The following CHMP3 variants were observed in gnomAD, a reference collection of about 807,000 sequenced individuals.
CHMP3 encodes charged multivesicular body protein 3.
CHMP3 carries 8 observed loss-of-function variants against 27.4 expected under a neutral mutation model. The observed-to-expected ratio is 0.29, with a 90% CI of 0.17 to 0.53. The LOEUF (loss-of-function observed/expected upper bound fraction) is 0.53, where lower values mean the gene tolerates loss of function less well. CHMP3 is among the 20% of genes least tolerant of loss of function. The pLI is 0.96. For missense variants in CHMP3, 208 were observed against 271.5 expected (o/e 0.77, Z 1.64); for synonymous variants, 86 against 85.5 (o/e 1.01, Z -0.03).
At chr2:86,560,494 G>C (rs1394919352) in intron 1 of CHMP3, among the ~76,000 whole-genome samples, 4 of 151,916 alleles carry the variant, frequency 2.6e-5, no homozygotes, top group Non-Finnish European at 5.9e-5. Context: ...TCACTCATAA[G>C]TGGGAATTGA....
chr2:86,513,053 A>G (rs998245505), intron 3 of CHMP3, among the ~76,000 whole-genome samples: 5 of 152,272 alleles, frequency 3.3e-5, no homozygotes, highest in African/African-American at 1.2e-4. Context: ...AAACCTGCAC[A>G]CAGATGTCTT....
chr2:86,523,188 C>G (rs143481923), intron 3 of CHMP3, among the ~76,000 whole-genome samples: 3 of 152,160 alleles, frequency 2.0e-5, no homozygotes, highest in African/African-American at 4.8e-5. Flanking sequence ...CCAGACCTTC[C>G]TTCCGTGTTG....
At chr2:86,560,893 A>G (rs890055656) in intron 1 of CHMP3, among the ~76,000 whole-genome samples, 5 of 152,084 alleles carry the variant, frequency 3.3e-5, no homozygotes, top group Non-Finnish European at 5.9e-5. Context: ...ACTTTTAAAC[A>G]ACCAGATCTC....
At chr2:86,557,423 A>C (rs888116905) in intron 1 of CHMP3, among the ~76,000 whole-genome samples, 3 of 152,038 alleles carry the variant, frequency 2.0e-5, no homozygotes, top group African/African-American at 7.3e-5. Context: ...CTCCCTACCT[A>C]AATCTCTTCC....
intron 1 of CHMP3, among the ~76,000 whole-genome samples, chr2:86,547,336 A>C (rs1444502453): frequency 6.6e-6 from 1 of 152,254 alleles, no homozygotes. Context: ...ATCTTCAGAA[A>C]CTTTCTATGT....
intron 3 of CHMP3, among the ~76,000 whole-genome samples, chr2:86,518,997 A>T (rs1675423220): frequency 1.3e-5 from 2 of 152,326 alleles, no homozygotes; most frequent in South Asian, 4.1e-4. Context: ...ATATTAAAGT[A>T]TATAATCTTT....
chr2:86,525,787 T>C (rs980732848), intron 3 of CHMP3, among the ~76,000 whole-genome samples: 3 of 152,164 alleles, frequency 2.0e-5, no homozygotes, highest in South Asian at 2.1e-4. Context: ...AAAATTCTCA[T>C]AGTAGAAAGA....
At chr2:86,516,336 A>C (rs951996822) in intron 3 of CHMP3, among the ~76,000 whole-genome samples, 6 of 152,190 alleles carry the variant, frequency 3.9e-5, no homozygotes, top group Admixed American at 2.6e-4. Flanking sequence ...CATTTCATCA[A>C]AGAGAATTTT....
chr2:86,537,144 C>T (rs1175788975), intron 2 of CHMP3, among the ~76,000 whole-genome samples: 3 of 152,314 alleles, frequency 2.0e-5, no homozygotes, highest in East Asian at 1.9e-4. Flanking sequence ...GGATTACAGG[C>T]GTTAGCCATT....
chr2:86,531,170 ATTTTTC>A (rs1006123695), intron 2 of CHMP3, among the ~76,000 whole-genome samples: 90 of 151,248 alleles, frequency 6.0e-4, no homozygotes, highest in African/African-American at 2.1e-3. Flanking sequence ...TTAATGTACA[ATTTTTC>A]TTTTTCTTTT....
At chr2:86,535,652 G>A (rs569495652) in intron 2 of CHMP3, among the ~76,000 whole-genome samples, 263 of 152,142 alleles carry the variant, frequency 1.7e-3, no homozygotes, top group African/African-American at 6.0e-3. Context: ...TATTACAGGC[G>A]CGCACCACAC....
chr2:86,545,862 G>C (rs548503541), intron 1 of CHMP3, among the ~76,000 whole-genome samples: 2 of 150,662 alleles, frequency 1.3e-5, no homozygotes, highest in African/African-American at 2.4e-5. Context: ...GGGCAGAGGC[G>C]CTCCTCACTT....
intron 3 of CHMP3, among the ~76,000 whole-genome samples, chr2:86,519,499 G>A (rs967018943): frequency 3.9e-5 from 6 of 152,118 alleles, no homozygotes; most frequent in Non-Finnish European, 8.8e-5. Context: ...TAAAATTCTA[G>A]AGGGAAGACT....
At chr2:86,521,889 G>C (rs947029310) in intron 3 of CHMP3, among the ~76,000 whole-genome samples, 8 of 152,126 alleles carry the variant, frequency 5.3e-5, no homozygotes, top group Admixed American at 1.3e-4. Context: ...CTGCTGCTAT[G>C]AACACTGGCA....
At chr2:86,525,089 T>C (rs1167957962) in intron 3 of CHMP3, among the ~76,000 whole-genome samples, 2 of 152,186 alleles carry the variant, frequency 1.3e-5, no homozygotes, top group East Asian at 3.8e-4. Flanking sequence ...AATACTATGC[T>C]GAAACCTAAA....
chr2:86,503,856 C>T lies in CHMP3; in HGVS notation c.*1948G>A, dbSNP rs1573227845. 2.0e-5 allele frequency: 3 copies of T among 152,230 alleles called. No homozygotes were observed. Among genetic ancestry groups the T allele is most frequent in the Admixed American group, 2.0e-4 (3 of 15,304 alleles). The allele number at this position is 152,230 out of a possible 1,614,324, so 9.4% of individuals were successfully genotyped here. ...AACAAACTAACATAGGAACAGGAAA[C>T]CAAATATTCCATGTTCTCACAAGTG... On this transcript the variant is annotated 3_prime_UTR_variant, in exon 6 of 6. Coordinates refer to ENST00000263856, the MANE Select transcript of CHMP3 (RefSeq NM_016079.4).
At chr2:86,537,121 T>C (rs1676179518) in intron 2 of CHMP3, among the ~76,000 whole-genome samples, 1 of 152,218 alleles carries the variant, frequency 6.6e-6, no homozygotes, top group African/African-American at 2.4e-5. Context: ...TGCCTCAGCC[T>C]CCCAAAGTGT....
intron 1 of CHMP3, among the ~76,000 whole-genome samples, chr2:86,548,897 C>A (rs1676734976): frequency 6.9e-6 from 1 of 144,652 alleles, no homozygotes; most frequent in Non-Finnish European, 1.5e-5. Context: ...GGCAGCCGGG[C>A]AGAGGTGCTC....
chr2:86,552,601 A>C (rs1294028474), intron 1 of CHMP3, among the ~76,000 whole-genome samples: 1 of 152,216 alleles, frequency 6.6e-6, no homozygotes, highest in Non-Finnish European at 1.5e-5. Flanking sequence ...AAAAAGGAAA[A>C]CATAATGTAA....
Sources: allele counts gnomAD v4.1 joint callset (sites outside exome capture counted in the v4.1 genomes callset), GRCh38; gene constraint gnomAD v4.1.1; transcripts MANE v1.5; gene names NCBI Gene and HGNC (gene_info 2026-07-23, HGNC 2026-07-21).